Variants in GRXCR2 observed in about 807,000 individuals in gnomAD.
The protein encoded by GRXCR2 is glutaredoxin and cysteine rich domain containing 2.
GRXCR2 carries 23 observed loss-of-function variants against 24.8 expected under a neutral mutation model. The ratio of observed to expected loss-of-function variants is 0.93; its 90% confidence interval spans 0.67 to 1.32. GRXCR2 has a LOEUF of 1.32. Among genes scored for constraint, GRXCR2 ranks in the 40% most tolerant of loss-of-function variants. The probability of loss-of-function intolerance (pLI) is 0.00; values close to 1 mark genes in which losing one functional copy is unlikely to be tolerated. For synonymous variants in GRXCR2, 130 were observed against 116.1 expected (o/e 1.12, Z -0.77); for missense variants, 315 against 303.4 (o/e 1.04, Z -0.28).
At chr5:145,906,134 C>G (rs1361147606) in intron 2 of GRXCR2, among the ~76,000 whole-genome samples, 1 of 152,126 alleles carries the variant, frequency 6.6e-6, no homozygotes, top group Non-Finnish European at 1.5e-5. Flanking sequence ...GTATGTTTCT[C>G]CCTACAGAGG....
chr5:145,899,914 A>G (rs1236258037), intron 2 of GRXCR2, among the ~76,000 whole-genome samples: 4 of 152,164 alleles, frequency 2.6e-5, no homozygotes, highest in Non-Finnish European at 5.9e-5. Flanking sequence ...AATGGGACCT[A>G]ATTAAATTAA....
intron 2 of GRXCR2, among the ~76,000 whole-genome samples, chr5:145,886,750 GA>G (rs1330752023): frequency 6.6e-6 from 1 of 152,022 alleles, no homozygotes; most frequent in Non-Finnish European, 1.5e-5. Context: ...GTAACATTGA[GA>G]AAGCAAAAAT....
At chr5:145,913,619 A>G (rs1757195554) in intron 2 of GRXCR2, among the ~76,000 whole-genome samples, 1 of 152,226 alleles carries the variant, frequency 6.6e-6, no homozygotes, top group Non-Finnish European at 1.5e-5. Flanking sequence ...ATGAAAATTT[A>G]TATGAACTTA....
chr5:145,879,035 A>C (rs1197817172), intron 2 of GRXCR2, among the ~76,000 whole-genome samples: 1 of 152,190 alleles, frequency 6.6e-6, no homozygotes, highest in Non-Finnish European at 1.5e-5. Context: ...CAAGAACTCC[A>C]GAAGGAAGCA....
At chr5:145,882,836 G>A (rs949945537) in intron 2 of GRXCR2, among the ~76,000 whole-genome samples, 10 of 152,092 alleles carry the variant, frequency 6.6e-5, no homozygotes, top group African/African-American at 9.7e-5. Context: ...GTAATACTAT[G>A]CAGCCATAAA....
intron 2 of GRXCR2, among the ~76,000 whole-genome samples, chr5:145,889,168 CA>C (rs534124544): frequency 1.3e-3 from 74 of 55,274 alleles, no homozygotes; most frequent in African/African-American, 4.1e-3. Context: ...GACTCTGTCT[CA>C]AAAAAAGAAA....
At chr5:145,873,466 G>A (rs531622799), upstream of GRXCR2, among the ~76,000 whole-genome samples, 5 of 152,212 alleles carry the variant, frequency 3.3e-5, no homozygotes, top group East Asian at 5.8e-4. Context: ...TTTTACACAG[G>A]GGAAAGTGAG....
Position 145,882,498 on chromosome 5 carries a change from G to A in GRXCR2, c.-69-15770C>T, listed in dbSNP as rs148899313. Reference sequence around the variant, plus strand: ...ACCATCTCACACCAATTAGAATGGCGATAACTAAAAAGTCAGGAAACAACA... The same window carrying A: ...ACCATCTCACACCAATTAGAATGGCAATAACTAAAAAGTCAGGAAACAACA... On this transcript the variant is annotated intron_variant, in intron 2 of 3. Transcript: ENST00000639411. Among the ~76,000 whole-genome samples the A allele has an allele frequency of 4.5e-3, 682 of 152,234 alleles. 4 individuals are homozygous for A. Among genetic ancestry groups the A allele is most frequent in the Non-Finnish European group, 7.2e-3 (491 of 68,006 alleles).
At chr5:145,917,836 G>T (rs961325741) in intron 2 of GRXCR2, among the ~76,000 whole-genome samples, 1 of 152,202 alleles carries the variant, frequency 6.6e-6, no homozygotes, top group African/African-American at 2.4e-5. Context: ...CTGGAGGGCA[G>T]TAGTGCAATC....
rs189768319 is a variant in GRXCR2, at chr5:145,881,422, C to T, written c.-69-14694G>A. Among the ~76,000 whole-genome samples the T allele has an allele frequency of 4.0e-3, 605 of 152,306 alleles. 7 individuals carry two copies. The highest frequency in any genetic ancestry group is 0.034 in the Admixed American group (527 of 15,296). On this transcript the variant is annotated intron_variant, in intron 2 of 3. Coordinates refer to the GRXCR2 transcript ENST00000639411. ...GCCAAATCATGAGTGAACTCCCATT[C>T]ACAATTCCTACAAAGAGAATAAAAT...
chr5:145,902,606 T>C (rs1402079019), intron 2 of GRXCR2, among the ~76,000 whole-genome samples: 1 of 152,188 alleles, frequency 6.6e-6, no homozygotes, highest in Non-Finnish European at 1.5e-5. Flanking sequence ...AGATGTGTGC[T>C]CAAGACATGC....
At chr5:145,877,058 T>A (rs1344434804), upstream of GRXCR2, among the ~76,000 whole-genome samples, 1 of 152,106 alleles carries the variant, frequency 6.6e-6, no homozygotes, top group African/African-American at 2.4e-5. Flanking sequence ...TTTGTCTTAC[T>A]TTGATAAGCA....
chr5:145,923,539 G>GA (rs1383102043), intron 2 of GRXCR2, among the ~76,000 whole-genome samples: 2 of 152,240 alleles, frequency 1.3e-5, no homozygotes, highest in Admixed American at 6.5e-5. Context: ...GCTTTTCTTG[G>GA]AAAATCCAAA....
At chr5:145,885,137 G>GTCTC (rs1756760739) in intron 2 of GRXCR2, among the ~76,000 whole-genome samples, 1 of 151,682 alleles carries the variant, frequency 6.6e-6, no homozygotes, top group Non-Finnish European at 1.5e-5. Flanking sequence ...CTGTCTGTCT[G>GTCTC]TCTGTGTGTA....
chr5:145,869,966 G>T (rs1756502829), intron 1 of GRXCR2, among the ~76,000 whole-genome samples: 1 of 152,170 alleles, frequency 6.6e-6, no homozygotes, highest in East Asian at 1.9e-4. Flanking sequence ...TAACTAGCTT[G>T]TTCGAGCTTA....
chr5:145,929,227 C>T (rs1019575960), intron 2 of GRXCR2, among the ~76,000 whole-genome samples: 5 of 85,466 alleles, frequency 5.9e-5, no homozygotes, highest in Non-Finnish European at 8.8e-5. Flanking sequence ...ATATATATCA[C>T]CATTTATTTA....
At chr5:145,895,285 G>A (rs1462590580) in intron 2 of GRXCR2, among the ~76,000 whole-genome samples, 1 of 151,840 alleles carries the variant, frequency 6.6e-6, no homozygotes, top group African/African-American at 2.4e-5. Flanking sequence ...TTCTGGCCAG[G>A]GCAATCAAGC....
intron 2 of GRXCR2, among the ~76,000 whole-genome samples, chr5:145,918,170 A>C (rs1403565717): frequency 6.6e-6 from 1 of 152,142 alleles, no homozygotes; most frequent in Admixed American, 6.6e-5. Flanking sequence ...TTCCTAGAAG[A>C]CCTCGTTATT....
At position 145,872,715 on chromosome 5, in the gene GRXCR2, A is replaced by C. The variant is rs1199779737; in HGVS notation, c.254T>G (p.Ile85Ser). The C allele has an allele frequency of 6.2e-7, 1 of 1,613,684 alleles. No homozygotes were observed. The highest frequency in any genetic ancestry group is 1.7e-5 in the Admixed American group (1 of 60,014). Residue 85 changes from isoleucine to serine, a missense_variant, in exon 1 of 3, where the codon ATC becomes AGC. Coordinates refer to ENST00000377976, the MANE Select transcript of GRXCR2 (RefSeq NM_001080516.2). Reference sequence around the variant, plus strand: ...GGCATTACCCTCTCTAAACACACTGATCCTCTGAGCAGTCAGCTTAGGGGA... The same window carrying C: ...GGCATTACCCTCTCTAAACACACTGCTCCTCTGAGCAGTCAGCTTAGGGGA... ...MCSPKLTAQRISVFREGNAYT... is the reference protein window; with the variant it reads ...MCSPKLTAQRSSVFREGNAYT...
Sources: allele counts gnomAD v4.1 joint callset (sites outside exome capture counted in the v4.1 genomes callset), GRCh38; gene constraint gnomAD v4.1.1; transcripts MANE v1.5; gene names NCBI Gene and HGNC (gene_info 2026-07-23, HGNC 2026-07-21).